Variants in CSMD1 observed in about 807,000 individuals in gnomAD.
CSMD1 encodes CUB and sushi domain-containing protein 1.
In CSMD1, 213 loss-of-function variants were observed where a neutral mutation model predicts 417.5. The ratio of observed to expected loss-of-function variants is 0.51; its 90% CI spans 0.46 to 0.57. The LOEUF is 0.57. Among genes scored for constraint, CSMD1 ranks in the 20% least tolerant of loss-of-function variants. The probability of loss-of-function intolerance (pLI) is 0.00; values close to 1 mark genes in which losing one functional copy is unlikely to be tolerated. For synonymous variants in CSMD1, 2,862 were observed against 1,736.8 expected (o/e 1.65, Z -16.11); for missense variants, 6,923 against 4,529.7 (o/e 1.53, Z -15.17).
At chr8:4,842,560 G>A (rs1160562378) in intron 1 of CSMD1, among the ~76,000 whole-genome samples, 1 of 152,160 alleles carries the variant, frequency 6.6e-6, no homozygotes, top group African/African-American at 2.4e-5. Context: ...TCACAACGTA[G>A]GAGCCATATT....
At chr8:4,037,328 G>A (rs1797673790) in intron 3 of CSMD1, among the ~76,000 whole-genome samples, 2 of 152,116 alleles carry the variant, frequency 1.3e-5, no homozygotes, top group Admixed American at 6.6e-5. Context: ...CATTTTCCCA[G>A]AACCTACCAA....
chr8:3,902,322 T>G (rs1245431335), intron 5 of CSMD1, among the ~76,000 whole-genome samples: 1 of 152,140 alleles, frequency 6.6e-6, no homozygotes, highest in African/African-American at 2.4e-5. Flanking sequence ...TATTACCCAG[T>G]AAGGAGTTTT....
intron 26 of CSMD1, among the ~76,000 whole-genome samples, chr8:3,259,865 T>TAA (rs11418185): frequency 0.022 from 3,389 of 152,152 alleles, 115 homozygotes; most frequent in African/African-American, 0.077. Flanking sequence ...AATATCAAAA[T>TAA]AAAATATTAA....
chr8:3,875,120 T>C lies in CSMD1; in HGVS notation c.819-121078A>G, dbSNP rs78762248. ...ATCCTAGAGGGGCTTCAGGAACACA[T>C]TGTGGGGTTTGGAAATTACTCGATG... On this transcript the variant is annotated intron_variant, in intron 5 of 69. Transcript: ENST00000635120. 7.2e-3 allele frequency among the ~76,000 whole-genome samples: 1,004 copies of C among 138,504 alleles called. 7 individuals are homozygous for C. Among genetic ancestry groups the C allele is most frequent in the Non-Finnish European group, 0.011 (728 of 65,008 alleles). The allele number at this position is 138,504 out of a possible 152,430, so 90.9% of individuals were successfully genotyped here. A position where few individuals can be genotyped will look rare whatever the true frequency, so the allele number is the denominator to read the frequency against.
chr8:3,462,306 A>T (rs189270341), intron 12 of CSMD1, among the ~76,000 whole-genome samples: 21 of 152,254 alleles, frequency 1.4e-4, no homozygotes, highest in Admixed American at 1.3e-3. Context: ...ACCTCCCTGT[A>T]GCATCATTTA....
intron 1 of CSMD1, among the ~76,000 whole-genome samples, chr8:4,748,176 C>T (rs1811076009): frequency 6.6e-6 from 1 of 152,188 alleles, no homozygotes; most frequent in African/African-American, 2.4e-5. Flanking sequence ...TACTCCATCA[C>T]CTTGGCACAT....
intron 7 of CSMD1, among the ~76,000 whole-genome samples, chr8:3,635,446 T>C (rs1796988686): frequency 6.7e-6 from 1 of 150,226 alleles, no homozygotes; most frequent in African/African-American, 2.4e-5. Context: ...AGTGCACCAC[T>C]ACACTCCAGC....
intron 39 of CSMD1, among the ~76,000 whole-genome samples, chr8:3,156,280 G>A (rs895050232): frequency 8.5e-5 from 13 of 152,310 alleles, no homozygotes; most frequent in Admixed American, 3.3e-4. Flanking sequence ...TTGAGTGTTC[G>A]AAGACTGTGG....
chr8:3,841,591 C>T (rs1803136114), intron 5 of CSMD1, among the ~76,000 whole-genome samples: 1 of 151,932 alleles, frequency 6.6e-6, no homozygotes, highest in African/African-American at 2.4e-5. Context: ...CAAATATTAG[C>T]ACTAGAAAGG....
chr8:3,952,420 TGTAAAGG>T (rs1811655440), intron 5 of CSMD1, among the ~76,000 whole-genome samples: 3 of 152,246 alleles, frequency 2.0e-5, no homozygotes. Context: ...TATGTTGATA[TGTAAAGG>T]GTAATTATTT....
chr8:4,215,833 A>G (rs554576719), intron 3 of CSMD1, among the ~76,000 whole-genome samples: 1 of 152,334 alleles, frequency 6.6e-6, no homozygotes, highest in East Asian at 1.9e-4. Flanking sequence ...AACACAGTGC[A>G]TGGAAAAGGC....
intron 8 of CSMD1, among the ~76,000 whole-genome samples, chr8:3,587,441 T>C (rs2117006529): frequency 1.3e-5 from 2 of 152,220 alleles, no homozygotes; most frequent in Middle Eastern, 3.4e-3. Context: ...TAAGGAGATG[T>C]GAAGGAAAAG....
intron 10 of CSMD1, 43 bp downstream of exon 10, chr8:3,574,902 G>C (rs754963301): frequency 6.2e-7 from 1 of 1,604,126 alleles, no homozygotes; most frequent in Non-Finnish European, 8.5e-7. Flanking sequence ...TCCTATAAGA[G>C]TGCTGTGTGC....
chr8:3,994,576 A>G (rs1815055378), intron 5 of CSMD1, among the ~76,000 whole-genome samples: 1 of 152,274 alleles, frequency 6.6e-6, no homozygotes, highest in Admixed American at 6.5e-5. Flanking sequence ...TGTTAAAGCA[A>G]GGGATTGATA....
chr8:4,212,586 T>C (rs889588785), intron 3 of CSMD1, among the ~76,000 whole-genome samples: 3 of 152,064 alleles, frequency 2.0e-5, no homozygotes, highest in Non-Finnish European at 2.9e-5. Flanking sequence ...AGGCCTGACA[T>C]TGTCAGTAGG....
chr8:4,408,420 G>A (rs140145344), intron 3 of CSMD1, among the ~76,000 whole-genome samples: 1 of 152,168 alleles, frequency 6.6e-6, no homozygotes, highest in African/African-American at 2.4e-5. Flanking sequence ...CATTGATCAG[G>A]TTTTAAAGAA....
rs759772657 is a variant in CSMD1 at position 3,230,168 on chromosome 8, C to A, written c.4217G>T (p.Ser1406Ile). The change falls in exon 27 of 70, where the codon AGC (serine) becomes ATC (isoleucine). Residue 1406 changes from serine (S) to isoleucine (I), a missense_variant. Physicochemically the swap from Ser to Ile is moderately radical, Grantham distance 142. Coordinates refer to ENST00000635120, the MANE Select transcript of CSMD1 (RefSeq NM_033225.6). ...MPQNGTRYGD[S>I]REAGDTVTFQ... ...TGTGACGGTGTCTCCAGCCTCTCTG[C>A]TGTCTCCATAGCGGGTGCCATTTTG... 6.2e-7 allele frequency: 1 copy of A among 1,613,488 alleles called. No homozygotes were observed.
At position 4,318,376 on chromosome 8, in the gene CSMD1, C is replaced by T. The variant is rs191583249; in HGVS notation, c.415+101577G>A. ...TTTTATGCACACATGTGCACACTCT[C>T]GTACACATCTCTATTTGCGCATTTT... On this transcript the variant is annotated intron_variant, in intron 3 of 69. Coordinates refer to ENST00000635120, the MANE Select transcript of CSMD1 (RefSeq NM_033225.6). 3.5e-4 allele frequency among the ~76,000 whole-genome samples: 54 copies of T among 152,212 alleles called. 1 individual carries two copies. Among genetic ancestry groups the T allele is most frequent in the African/African-American group, 1.2e-3 (51 of 41,544 alleles).
Position 3,551,596 on chromosome 8 carries a change from ATTTT to A in CSMD1, c.1344+23345_1344+23348del, listed in dbSNP as rs1194152215. Among the ~76,000 whole-genome samples, 1,027 of 113,404 alleles carry A rather than the reference ATTTT, an allele frequency of 9.1e-3. 20 individuals carry two copies. Among genetic ancestry groups the A allele is most frequent in the African/African-American group, 0.031 (941 of 29,916 alleles). The allele number at this position is 113,404 out of a possible 152,430, so 74.4% of individuals were successfully genotyped here. A position where few individuals can be genotyped will look rare whatever the true frequency, so the allele number is the denominator to read the frequency against. On this transcript the variant is annotated intron_variant, in intron 10 of 69. Transcript: ENST00000635120. ...TAAATATGTATATATATATATATAT[ATTTT>A]TTTTTTTTTTTTTTCTGAAGATACA...
Sources: allele counts gnomAD v4.1 joint callset (sites outside exome capture counted in the v4.1 genomes callset), GRCh38; gene constraint gnomAD v4.1.1; transcripts MANE v1.5; gene names NCBI Gene and HGNC (gene_info 2026-07-23, HGNC 2026-07-21).